The following TMEM117 variants were observed in gnomAD, a reference collection of about 807,000 sequenced individuals.
TMEM117 encodes transmembrane protein 117.
In TMEM117, 27 loss-of-function variants were observed where a neutral mutation model predicts 52.4. The ratio of observed to expected loss-of-function variants is 0.51; its 90% CI spans 0.38 to 0.71. The LOEUF (loss-of-function observed/expected upper bound fraction) is 0.71. Ranked by LOEUF, TMEM117 falls within the 30% of genes least tolerant of loss-of-function variation. TMEM117 has a pLI of 0.00. For missense variants in TMEM117, 556 were observed against 630.5 expected (o/e 0.88, Z 1.26); for synonymous variants, 215 against 206.3 (o/e 1.04, Z -0.36).
chr12:44,130,237 G>A (rs1948392205), intron 3 of TMEM117, among the ~76,000 whole-genome samples: 1 of 152,118 alleles, frequency 6.6e-6, no homozygotes, highest in African/African-American at 2.4e-5. Flanking sequence ...CTTAATTATT[G>A]TGGAGTAAAT....
At chr12:44,027,135 T>TTTTATTTTATTTTATTTTAG (rs1946549501) in intron 3 of TMEM117, among the ~76,000 whole-genome samples, 1 of 27,312 alleles carries the variant, frequency 3.7e-5, no homozygotes, top group African/African-American at 1.6e-4. Context: ...TTATTTTATA[T>TTTTATTTTATTTTATTTTAG]TTTATTTTAT....
chr12:44,391,209 T>C (rs1297357305), downstream of TMEM117, among the ~76,000 whole-genome samples: 3 of 152,168 alleles, frequency 2.0e-5, no homozygotes, highest in African/African-American at 7.2e-5. Flanking sequence ...TATAAAGTAC[T>C]TCATTAGTAG....
At chr12:44,339,355 C>T (rs1863798182) in intron 6 of TMEM117, among the ~76,000 whole-genome samples, 1 of 151,874 alleles carries the variant, frequency 6.6e-6, no homozygotes. Flanking sequence ...AATGACATGG[C>T]CCTGATTGCA....
intron 4 of TMEM117, among the ~76,000 whole-genome samples, chr12:44,207,057 T>C (rs571341668): frequency 3.9e-5 from 6 of 152,164 alleles, no homozygotes; most frequent in Non-Finnish European, 8.8e-5. Context: ...TTGAATGAAG[T>C]CAGTATATTG....
chr12:44,068,248 A>G (rs1481574162), intron 3 of TMEM117, among the ~76,000 whole-genome samples: 1 of 152,182 alleles, frequency 6.6e-6, no homozygotes, highest in East Asian at 1.9e-4. Flanking sequence ...CTATTTTGCT[A>G]TCTTATCATT....
chr12:44,038,285 C>T (rs1946742266), intron 3 of TMEM117, among the ~76,000 whole-genome samples: 1 of 152,140 alleles, frequency 6.6e-6, no homozygotes, highest in Non-Finnish European at 1.5e-5. Flanking sequence ...CAAGCCAGGG[C>T]TGTGACACCC....
chr12:44,291,611 G>A (rs57642348), intron 5 of TMEM117, among the ~76,000 whole-genome samples: 6,249 of 151,856 alleles, frequency 0.041, 434 homozygotes, highest in African/African-American at 0.14. Flanking sequence ...TCATTGTTAA[G>A]TACAACGTTG....
intron 4 of TMEM117, among the ~76,000 whole-genome samples, chr12:44,153,381 G>A (rs1278432315): frequency 6.6e-6 from 1 of 151,826 alleles, no homozygotes; most frequent in Non-Finnish European, 1.5e-5. Context: ...AATCCAATGT[G>A]GCATATAGAC....
intron 2 of TMEM117, among the ~76,000 whole-genome samples, chr12:43,914,276 T>C (rs1169196354): frequency 6.6e-6 from 1 of 152,150 alleles, no homozygotes; most frequent in Non-Finnish European, 1.5e-5. Context: ...GCTTTGGTTT[T>C]GCTTCTCTTC....
At chr12:44,336,494 A>G (rs1320280597) in intron 6 of TMEM117, among the ~76,000 whole-genome samples, 2 of 151,988 alleles carry the variant, frequency 1.3e-5, no homozygotes, top group East Asian at 1.9e-4. Flanking sequence ...ACCCTTTACT[A>G]TAGAAGTGTC....
At chr12:44,386,634 T>A (rs915383056) in intron 7 of TMEM117, among the ~76,000 whole-genome samples, 1 of 152,094 alleles carries the variant, frequency 6.6e-6, no homozygotes, top group African/African-American at 2.4e-5. Flanking sequence ...GCCCCTATTA[T>A]GTACCAGGCA....
chr12:43,949,908 A>G (rs901954321), intron 3 of TMEM117, among the ~76,000 whole-genome samples: 4 of 152,154 alleles, frequency 2.6e-5, no homozygotes, highest in Admixed American at 1.3e-4. Flanking sequence ...TAGAACCTCA[A>G]AACATCCCCA....
At chr12:43,901,456 A>G (rs140815812) in intron 2 of TMEM117, among the ~76,000 whole-genome samples, 2 of 152,146 alleles carry the variant, frequency 1.3e-5, no homozygotes, top group Non-Finnish European at 2.9e-5. Flanking sequence ...GATTATAGGC[A>G]TGTGCCACCA....
chr12:44,253,608 C>G lies in TMEM117; in HGVS notation c.608+42221C>G, dbSNP rs145957476. On this transcript the variant is annotated intron_variant, in intron 5 of 7. Transcript: ENST00000266534. ...AGGATTGCTTGATTGGGTCCATTAA[C>G]TCAGCAGGTGAGCTAGTGCTCTCTA... 4.5e-3 allele frequency among the ~76,000 whole-genome samples: 686 copies of G among 152,220 alleles called. 7 individuals are homozygous for G. The highest frequency in any genetic ancestry group is 0.016 in the African/African-American group (649 of 41,544).
chr12:44,236,469 A>G (rs1351822582), intron 5 of TMEM117, among the ~76,000 whole-genome samples: 3 of 152,082 alleles, frequency 2.0e-5, no homozygotes, highest in Admixed American at 6.6e-5. Context: ...CAAAGCTGCC[A>G]TATCCTTTAA....
At chr12:43,886,833 G>A (rs1944003410) in intron 2 of TMEM117, among the ~76,000 whole-genome samples, 1 of 151,952 alleles carries the variant, frequency 6.6e-6, no homozygotes. Context: ...CGCTCTATGT[G>A]TCCGTGGGCC....
chr12:43,992,812 T>C (rs964864528), intron 3 of TMEM117, among the ~76,000 whole-genome samples: 6 of 152,310 alleles, frequency 3.9e-5, no homozygotes, highest in Admixed American at 2.0e-4. Flanking sequence ...GTTTGGTTTA[T>C]ATGCCAACTC....
intron 4 of TMEM117, among the ~76,000 whole-genome samples, chr12:44,190,656 A>G (rs1351789635): frequency 6.6e-6 from 1 of 152,078 alleles, no homozygotes; most frequent in African/African-American, 2.4e-5. Context: ...GTTGAAAGCC[A>G]AAAAAGAAAA....
At chr12:44,221,937 A>G (rs1365082923) in intron 5 of TMEM117, among the ~76,000 whole-genome samples, 3 of 151,966 alleles carry the variant, frequency 2.0e-5, no homozygotes, top group South Asian at 4.1e-4. Flanking sequence ...GACCTCAGGT[A>G]ATCCGCCCGC....
Sources: allele counts gnomAD v4.1 joint callset (sites outside exome capture counted in the v4.1 genomes callset), GRCh38; gene constraint gnomAD v4.1.1; transcripts MANE v1.5; gene names NCBI Gene and HGNC (gene_info 2026-07-23, HGNC 2026-07-21).